NPAS3: variants seen among roughly 807,000 people sequenced by gnomAD.
NPAS3 encodes the protein neuronal PAS domain protein 3.
A neutral mutation model predicts 73.1 loss-of-function variants in NPAS3; 14 were observed. The ratio of observed to expected loss-of-function variants is 0.19; its 90% CI spans 0.13 to 0.30. The LOEUF is 0.30. Ranked by LOEUF, NPAS3 falls within the 10% of genes least tolerant of loss-of-function variation. NPAS3 has a pLI of 1.00. For missense variants in NPAS3, 1,096 were observed against 1,250.0 expected, an observed-to-expected ratio of 0.88 and a Z score of 1.86; for synonymous variants, 620 against 541.5, an observed-to-expected ratio of 1.14 and a Z score of -2.01.
chr14:33,322,070 C>A lies in NPAS3; in HGVS notation c.386-45116C>A, dbSNP rs73256851. Among the ~76,000 whole-genome samples, 366 of 152,212 alleles carry A rather than the reference C, an allele frequency of 2.4e-3. 2 individuals are homozygous for A. Among genetic ancestry groups the A allele is most frequent in the African/African-American group, 8.5e-3 (351 of 41,534 alleles). On this transcript the variant is annotated intron_variant, in intron 3 of 11. Transcript: ENST00000356141. ...CTTTGCAGAGCAGTAGAAATATAAG[C>A]CCTCTGAGCACAAGGACCTTTGTGC... is the stretch of plus-strand genomic sequence containing the variant.
chr14:33,604,793 CAG>C (rs1351088479), intron 5 of NPAS3, among the ~76,000 whole-genome samples: 1 of 151,946 alleles, frequency 6.6e-6, no homozygotes, highest in Non-Finnish European at 1.5e-5. Context: ...GAAATCATAA[CAG>C]AAAATCATTC....
At chr14:33,542,253 C>A (rs1404056752) in intron 4 of NPAS3, among the ~76,000 whole-genome samples, 1 of 152,142 alleles carries the variant, frequency 6.6e-6, no homozygotes, top group Non-Finnish European at 1.5e-5. Context: ...CCATACTCGC[C>A]AGCAGTATAG....
chr14:33,161,844 G>A (rs776493394), intron 2 of NPAS3, among the ~76,000 whole-genome samples: 1 of 152,196 alleles, frequency 6.6e-6, no homozygotes, highest in Non-Finnish European at 1.5e-5. Flanking sequence ...GTAGAGACCA[G>A]CAGGATAAGG....
intron 3 of NPAS3, among the ~76,000 whole-genome samples, chr14:33,346,076 C>T (rs1292921180): frequency 6.6e-6 from 1 of 151,498 alleles, no homozygotes; most frequent in Non-Finnish European, 1.5e-5. Context: ...ACTAAAAATA[C>T]AAAAAATTAG....
At chr14:33,429,592 A>C (rs915567616) in intron 4 of NPAS3, among the ~76,000 whole-genome samples, 1 of 152,174 alleles carries the variant, frequency 6.6e-6, no homozygotes, top group Non-Finnish European at 1.5e-5. Context: ...CTTCCTTTTG[A>C]CCATGAGTGA....
intron 3 of NPAS3, among the ~76,000 whole-genome samples, chr14:33,292,607 T>C (rs1203165250): frequency 6.6e-6 from 1 of 152,116 alleles, no homozygotes; most frequent in Admixed American, 6.6e-5. Flanking sequence ...TGATTTTCAG[T>C]TTTTATTTTT....
chr14:33,460,055 G>A (rs1476105106), intron 4 of NPAS3, among the ~76,000 whole-genome samples: 1 of 152,190 alleles, frequency 6.6e-6, no homozygotes, highest in African/African-American at 2.4e-5. Context: ...CAGAGATTTT[G>A]TAGTAGCATC....
chr14:33,448,936 G>T (rs1329894665), intron 4 of NPAS3, among the ~76,000 whole-genome samples: 2 of 152,092 alleles, frequency 1.3e-5, no homozygotes, highest in African/African-American at 2.4e-5. Context: ...ATAATAAAGA[G>T]GAAACCCTGA....
rs147503047 is a variant in NPAS3 at position 33,489,787 on chromosome 14, A to G, written c.469-70334A>G. Among the ~76,000 whole-genome samples the G allele has an allele frequency of 5.1e-3, 783 of 152,232 alleles. 5 individuals are homozygous for G. Among genetic ancestry groups the G allele is most frequent in the Middle Eastern group, 0.024 (7 of 294 alleles). ...ATAGGGGGAGATGATTAGATTGTCG[A>G]GTTTCCTGCTGAGTGGTACATGCTT... On this transcript the variant is annotated intron_variant, in intron 4 of 11. Transcript: ENST00000356141.
chr14:33,549,217 A>G (rs1180587266), intron 4 of NPAS3, among the ~76,000 whole-genome samples: 1 of 152,136 alleles, frequency 6.6e-6, no homozygotes, highest in African/African-American at 2.4e-5. Context: ...ATATTTTTTA[A>G]ACAAATTTGA....
intron 6 of NPAS3, among the ~76,000 whole-genome samples, chr14:33,685,904 G>A (rs1281480144): frequency 6.6e-6 from 1 of 152,102 alleles, no homozygotes; most frequent in Admixed American, 6.5e-5. Context: ...CTCAGGCCAT[G>A]TTTTTATTGT....
intron 2 of NPAS3, among the ~76,000 whole-genome samples, chr14:33,076,692 T>C (rs1224423364): frequency 6.6e-6 from 1 of 152,208 alleles, no homozygotes; most frequent in African/African-American, 2.4e-5. Flanking sequence ...ATCCTTCATA[T>C]ACAGTATATT....
intron 5 of NPAS3, among the ~76,000 whole-genome samples, chr14:33,647,286 C>G: frequency 6.6e-6 from 1 of 151,226 alleles, no homozygotes; most frequent in South Asian, 2.1e-4. Context: ...CTCTCTCTCT[C>G]TCTCTATATA....
chr14:33,555,670 C>T (rs1223817999), intron 4 of NPAS3, among the ~76,000 whole-genome samples: 1 of 152,140 alleles, frequency 6.6e-6, no homozygotes, highest in Non-Finnish European at 1.5e-5. Flanking sequence ...TAAGTGGCAA[C>T]ATGCAGCTAC....
rs569392263 is a variant in NPAS3 at position 33,050,116 on chromosome 14, CAA to C, written c.51-5787_51-5786del. On this transcript the variant is annotated intron_variant, in intron 1 of 11. Coordinates refer to ENST00000356141, the Ensembl canonical transcript of NPAS3. Reference sequence around the variant, plus strand: ...CAGACTCCTAGGTCACGTTAAAAGTCAAAGTCAACTCTTCCAATCATCAATTT... The same window carrying C: ...CAGACTCCTAGGTCACGTTAAAAGTCAGTCAACTCTTCCAATCATCAATTT... Among the ~76,000 whole-genome samples the C allele has an allele frequency of 1.1e-3, 160 of 152,272 alleles. 1 individual carries two copies. The highest frequency in any genetic ancestry group is 6.8e-3 in the Middle Eastern group (2 of 294).
At chr14:33,412,570 C>T (rs190344308) in intron 4 of NPAS3, among the ~76,000 whole-genome samples, 1 of 152,184 alleles carries the variant, frequency 6.6e-6, no homozygotes, top group East Asian at 1.9e-4. Context: ...ATATATATTG[C>T]CAAATTTATT....
At chr14:33,320,886 A>T (rs970381980) in intron 3 of NPAS3, among the ~76,000 whole-genome samples, 1 of 152,130 alleles carries the variant, frequency 6.6e-6, no homozygotes, top group African/African-American at 2.4e-5. Flanking sequence ...CCTCAAAAAA[A>T]ATTAGGAGAT....
Position 33,340,756 on chromosome 14 carries a change from T to C in NPAS3, c.386-26430T>C, listed in dbSNP as rs550400334. ...AATGGGTTGTTTCTACAGATACAGTTTTCCTAGATAGTATTCCTTATATCA... is the reference window on the plus strand; with the variant it reads ...AATGGGTTGTTTCTACAGATACAGTCTTCCTAGATAGTATTCCTTATATCA... On this transcript the variant is annotated intron_variant, in intron 3 of 11. Transcript: ENST00000356141. Among the ~76,000 whole-genome samples, 108 of 152,338 alleles carry C rather than the reference T, an allele frequency of 7.1e-4. 1 individual carries two copies. Among genetic ancestry groups the C allele is most frequent in the African/African-American group, 2.5e-3 (105 of 41,568 alleles).
intron 5 of NPAS3, among the ~76,000 whole-genome samples, chr14:33,669,861 G>T (rs995131130): frequency 6.6e-6 from 1 of 152,136 alleles, no homozygotes; most frequent in Non-Finnish European, 1.5e-5. Flanking sequence ...TTCAGAACTG[G>T]TTATGCAGTA....
Sources: allele counts gnomAD v4.1 joint callset (sites outside exome capture counted in the v4.1 genomes callset), GRCh38; gene constraint gnomAD v4.1.1; transcripts MANE v1.5; gene names NCBI Gene and HGNC (gene_info 2026-07-23, HGNC 2026-07-21).